The following TSPAN10 variants were observed in gnomAD, a reference collection of about 807,000 sequenced individuals.
The protein encoded by TSPAN10 is tetraspanin-10.
Under a neutral mutation model 15.0 loss-of-function variants are expected in TSPAN10, and 11 were observed. That is an observed-to-expected ratio of 0.73 (90% confidence interval 0.46 to 1.21). The LOEUF is 1.21. Among genes scored for constraint, TSPAN10 ranks in the 50% most tolerant of loss-of-function variants. The probability of loss-of-function intolerance (pLI) is 0.00; values close to 1 mark genes in which losing one functional copy is unlikely to be tolerated. For missense variants in TSPAN10, 486 were observed against 470.6 expected (o/e 1.03, Z -0.30); for synonymous variants, 241 against 226.2 (o/e 1.07, Z -0.59).
chr17:81,642,157 G>A (rs973617028), upstream of TSPAN10: 29 of 493,232 alleles, frequency 5.9e-5, no homozygotes, highest in Non-Finnish European at 9.1e-5. Flanking sequence ...GGGACCCACA[G>A]AGCCAGGGCT....
At chr17:81,647,494 C>T (rs1031018539) in intron 2 of TSPAN10, 1 of 482,298 alleles carries the variant, frequency 2.1e-6, no homozygotes, top group African/African-American at 1.9e-5. Flanking sequence ...CCAGTAAGAC[C>T]TGTGGACCAT....
In TSPAN10 at chr17:81,645,636, C is replaced by T. The variant is rs779230819; in HGVS notation, c.674+7C>T. 1.1e-5 allele frequency: 18 copies of T among 1,611,256 alleles called. No individual in the cohort carries two copies. Among genetic ancestry groups the T allele is most frequent in the Non-Finnish European group, 1.5e-5 (18 of 1,179,600 alleles). On this transcript the variant is annotated splice_region_variant and intron_variant, in intron 2 of 2. Transcript: ENST00000611590. ...AGGACTGGCAGCAGAACCTGTGAGT[C>T]TTGGAGTGGGCGAGGGACAGGGCCA...
downstream of TSPAN10, chr17:81,648,624 C>T: frequency 4.4e-6 from 1 of 228,002 alleles, no homozygotes; most frequent in Non-Finnish European, 8.5e-6. Context: ...CCTGGGGCCG[C>T]CACCCCTTCT....
chr17:81,643,610 C>CA (rs777668849), intron 1 of TSPAN10, among the ~76,000 whole-genome samples: 4,286 of 14,564 alleles, frequency 0.29, 645 homozygotes, highest in East Asian at 0.5. Flanking sequence ...GACTCCGTCT[C>CA]AAAAAAAAAA....
At chr17:81,640,568 C>A (rs1421921927), upstream of TSPAN10, among the ~76,000 whole-genome samples, 3 of 152,146 alleles carry the variant, frequency 2.0e-5, no homozygotes, top group East Asian at 5.8e-4. Flanking sequence ...CCTGCCTCAG[C>A]CTCCCATGTA....
chr17:81,642,781 CCA>C (rs1319724713), intron 1 of TSPAN10, among the ~76,000 whole-genome samples: 6 of 152,058 alleles, frequency 3.9e-5, no homozygotes, highest in Non-Finnish European at 8.8e-5. Flanking sequence ...CCCAGTGGCC[CCA>C]GTCTGGCCAA....
At chr17:81,645,387 T>C (rs7210043) in exon 2 of TSPAN10, 703,557 of 1,597,384 alleles carry the variant, frequency 0.44, 170,205 homozygotes, top group East Asian at 1. Flanking sequence ...GCGCCCTCTG[T>C]GAGAACACCT....
At chr17:81,646,911 C>G (rs1598712294) in intron 2 of TSPAN10, among the ~76,000 whole-genome samples, 1 of 151,688 alleles carries the variant, frequency 6.6e-6, no homozygotes, top group African/African-American at 2.4e-5. Flanking sequence ...GTGGCTCGAT[C>G]TCGGCTCACT....
exon 2 of TSPAN10, chr17:81,645,372 C>T (rs2036233710): frequency 6.3e-7 from 1 of 1,595,286 alleles, no homozygotes. Context: ...TGGCTGGCTA[C>T]CTGGGCGCCC....
upstream of TSPAN10, chr17:81,638,942 A>C (rs2036149524): frequency 6.6e-6 from 1 of 152,122 alleles, no homozygotes; most frequent in Non-Finnish European, 1.5e-5. Flanking sequence ...AGTCCTGAAA[A>C]GGCAGTCTTG....
chr17:81,645,457 GGGGCCCTGGTGGT>G lies in TSPAN10; in HGVS notation c.505_517del (p.Ala169ProfsTer38), dbSNP rs1406633926. The G allele has an allele frequency of 6.3e-7, 1 of 1,589,768 alleles. No individual in the cohort carries two copies. Among genetic ancestry groups the G allele is most frequent in the African/African-American group, 1.3e-5 (1 of 74,544 alleles). On this transcript the variant is annotated frameshift_variant, in exon 2 of 3. Coordinates refer to ENST00000611590, the Ensembl canonical transcript of TSPAN10. LOFTEE classifies it high-confidence loss of function. ...CTTCCTGGTGCTTGAGGCCGTGGCGGGGGCCCTGGTGGTGGCCCTCTGGGGCCCGCTGCAAGAC... is the reference window on the plus strand; with the variant it reads ...CTTCCTGGTGCTTGAGGCCGTGGCGGGGCCCTCTGGGGCCCGCTGCAAGAC...
intron 2 of TSPAN10, 161 bp from the exon 4 acceptor site, chr17:81,647,740 G>T (rs1206908792): frequency 1.3e-5 from 9 of 709,626 alleles, no homozygotes; most frequent in Middle Eastern, 3.2e-4. Flanking sequence ...GTGTGTGTCC[G>T]TGTGTGCAGG....
intron 2 of TSPAN10, 173 bp downstream of exon 3, chr17:81,645,802 A>C: frequency 1.2e-6 from 1 of 855,094 alleles, no homozygotes; most frequent in South Asian, 1.5e-5. Context: ...TCTCGTGCTC[A>C]CAGGTTTCAC....
chr17:81,647,816 G>A, intron 2 of TSPAN10, 85 bp from the exon 4 acceptor site: 1 of 1,455,140 alleles, frequency 6.9e-7, no homozygotes, highest in South Asian at 1.2e-5. Context: ...AAGGGTGAAG[G>A]TGGGTAGGCG....
upstream of TSPAN10, chr17:81,637,775 A>C (rs748578228): frequency 5.5e-5 from 9 of 164,880 alleles, no homozygotes; most frequent in Non-Finnish European, 5.3e-5. Flanking sequence ...CTCTACTAAA[A>C]ATACAAAAAT....
At chr17:81,645,930 G>A (rs61380610) in intron 2 of TSPAN10, 51,003 of 541,108 alleles carry the variant, frequency 0.094, 2,815 homozygotes, top group Middle Eastern at 0.16. Context: ...ATACACACAC[G>A]TGTCATGCAC....
chr17:81,637,241 C>T, exon 1 of TSPAN10: 1 of 496,846 alleles, frequency 2.0e-6, no homozygotes, highest in Non-Finnish European at 3.6e-6. Context: ...TGGAAAGTTG[C>T]GTCTGAGATT....
upstream of TSPAN10, chr17:81,642,331 CCAGCCCAG>C (rs748553394): frequency 6.4e-7 from 1 of 1,556,142 alleles, no homozygotes; most frequent in South Asian, 1.1e-5. Flanking sequence ...GCAGTCAGGA[CCAGCCCAG>C]CAGCCCAGCC....
chr17:81,645,716 CG>C, intron 2 of TSPAN10, 87 bp downstream of exon 3: 2 of 1,513,680 alleles, frequency 1.3e-6, no homozygotes, highest in Admixed American at 3.6e-5. Flanking sequence ...GTCACTCACA[CG>C]TACATACTCA....
Sources: allele counts gnomAD v4.1 joint callset (sites outside exome capture counted in the v4.1 genomes callset), GRCh38; gene constraint gnomAD v4.1.1; transcripts MANE v1.5; gene names NCBI Gene and HGNC (gene_info 2026-07-23, HGNC 2026-07-21).